Variants in CNTN3 observed in about 807,000 individuals in gnomAD.
The protein encoded by CNTN3 is contactin 3.
Under a neutral mutation model 119.1 loss-of-function variants are expected in CNTN3, and 60 were observed. That is an observed-to-expected ratio of 0.50 (90% CI 0.41 to 0.62). The LOEUF is 0.62. Among genes scored for constraint, CNTN3 ranks in the 20% least tolerant of loss-of-function variants. The pLI is 0.00. For missense variants in CNTN3, 1,101 were observed against 1,242.4 expected (o/e 0.89, Z 1.71); for synonymous variants, 450 against 438.7 (o/e 1.03, Z -0.32).
At chr3:74,339,120 G>A (rs923509159) in intron 11 of CNTN3, among the ~76,000 whole-genome samples, 10 of 152,060 alleles carry the variant, frequency 6.6e-5, no homozygotes, top group Non-Finnish European at 1.2e-4. Flanking sequence ...TAAAAATTTA[G>A]GATATGGAGA....
intron 13 of CNTN3, among the ~76,000 whole-genome samples, chr3:74,320,481 A>G (rs1416604191): frequency 6.6e-6 from 1 of 152,136 alleles, no homozygotes; most frequent in Non-Finnish European, 1.5e-5. Flanking sequence ...GAACACATGG[A>G]CACAGGAAGG....
Position 74,444,036 on chromosome 3 carries a change from C to A in CNTN3, c.359-19096G>T, listed in dbSNP as rs115727587. Among the ~76,000 whole-genome samples the A allele has an allele frequency of 7.1e-3, 1,082 of 152,228 alleles. 15 individuals carry two copies. The highest frequency in any genetic ancestry group is 0.025 in the African/African-American group (1,038 of 41,542). On this transcript the variant is annotated intron_variant, in intron 4 of 22. Transcript: ENST00000263665. The stretch of plus-strand genomic sequence containing the variant: ...TTTTCTAGCTTCTGGTAGTTGCTGG[C>A]AAACTTTGGTGTTCCTTGACTTGTA...
At chr3:74,488,579 G>A (rs141585136) in intron 3 of CNTN3, among the ~76,000 whole-genome samples, 4 of 152,296 alleles carry the variant, frequency 2.6e-5, no homozygotes, top group Middle Eastern at 3.4e-3. Flanking sequence ...GCATAATGAA[G>A]TTTTAATGAC....
intron 1 of CNTN3, among the ~76,000 whole-genome samples, chr3:74,597,180 A>C (rs111784176): frequency 6.5e-4 from 99 of 152,222 alleles, no homozygotes; most frequent in African/African-American, 2.3e-3. Flanking sequence ...AAGCTTCTCT[A>C]AATCAGACTC....
intron 13 of CNTN3, 30 bp from the exon 14 acceptor site, chr3:74,302,837 GTTAT>G: frequency 7.2e-7 from 1 of 1,386,882 alleles, no homozygotes; most frequent in Non-Finnish European, 1.0e-6. Context: ...TGAATACACT[GTTAT>G]TTTTTTAAAA....
At chr3:74,591,788 G>A (rs1009598973) in intron 1 of CNTN3, among the ~76,000 whole-genome samples, 1 of 151,890 alleles carries the variant, frequency 6.6e-6, no homozygotes, top group African/African-American at 2.4e-5. Context: ...ATGAGTTCAG[G>A]TTCAGACATC....
intron 1 of CNTN3, among the ~76,000 whole-genome samples, chr3:74,531,022 G>A (rs985083128): frequency 6.6e-6 from 1 of 151,902 alleles, no homozygotes; most frequent in East Asian, 1.9e-4. Context: ...TCTCTTCCGG[G>A]CAAAATACTT....
At chr3:74,301,896 C>A (rs1388062608) in intron 14 of CNTN3, 91 bp from the exon 15 acceptor site, 3 of 1,397,146 alleles carry the variant, frequency 2.1e-6, no homozygotes, top group African/African-American at 1.4e-5. Flanking sequence ...ATGACCACTT[C>A]AATATCTCTG....
intron 1 of CNTN3, among the ~76,000 whole-genome samples, chr3:74,611,829 G>A (rs575184489): frequency 6.6e-6 from 1 of 152,304 alleles, no homozygotes; most frequent in African/African-American, 2.4e-5. Context: ...ACCTTGCTAA[G>A]ATAAGAAGGC....
chr3:74,585,030 G>A (rs377330556), intron 1 of CNTN3, among the ~76,000 whole-genome samples: 4 of 152,026 alleles, frequency 2.6e-5, no homozygotes, highest in Admixed American at 2.0e-4. Context: ...TTCCCTTTTT[G>A]TTCCTTTATA....
chr3:74,579,894 A>G (rs1426268451), intron 1 of CNTN3, among the ~76,000 whole-genome samples: 1 of 152,178 alleles, frequency 6.6e-6, no homozygotes, highest in African/African-American at 2.4e-5. Context: ...GTAACAAACA[A>G]AACATTTTAA....
At chr3:74,551,395 C>T (rs939076223) in intron 1 of CNTN3, among the ~76,000 whole-genome samples, 5 of 152,172 alleles carry the variant, frequency 3.3e-5, no homozygotes, top group Admixed American at 1.3e-4. Context: ...TCCCTCAACA[C>T]ACATGCACAC....
intron 1 of CNTN3, among the ~76,000 whole-genome samples, chr3:74,559,714 T>A (rs573004737): frequency 6.6e-6 from 1 of 152,096 alleles, no homozygotes; most frequent in Non-Finnish European, 1.5e-5. Context: ...TTAGAAAAAA[T>A]GAAGGTGCAG....
At chr3:74,525,306 T>C (rs1454401033) in intron 1 of CNTN3, among the ~76,000 whole-genome samples, 1 of 151,912 alleles carries the variant, frequency 6.6e-6, no homozygotes, top group Non-Finnish European at 1.5e-5. Flanking sequence ...TGTAAAAGGT[T>C]TGAAGATAAA....
chr3:74,391,291 T>C (rs1467885197), intron 5 of CNTN3, among the ~76,000 whole-genome samples: 1 of 150,782 alleles, frequency 6.6e-6, no homozygotes, highest in East Asian at 2.0e-4. Flanking sequence ...TGGTTACTAG[T>C]AAATGTTTGT....
chr3:74,441,930 T>C (rs370897668), intron 4 of CNTN3, among the ~76,000 whole-genome samples: 3 of 152,152 alleles, frequency 2.0e-5, no homozygotes, highest in African/African-American at 7.2e-5. Flanking sequence ...AGCTTGACTT[T>C]CTACACATAA....
intron 13 of CNTN3, among the ~76,000 whole-genome samples, chr3:74,306,265 T>C (rs1170147308): frequency 7.4e-6 from 1 of 135,298 alleles, no homozygotes; most frequent in African/African-American, 2.9e-5. Flanking sequence ...TGGGATGAAA[T>C]AGTCCTAGAT....
chr3:74,505,730 G>C (rs893327502), intron 2 of CNTN3, among the ~76,000 whole-genome samples: 1 of 152,072 alleles, frequency 6.6e-6, no homozygotes, highest in South Asian at 2.1e-4. Flanking sequence ...CTTCAGATCA[G>C]AAAGGAAAAT....
chr3:74,600,162 C>T (rs888375919), intron 1 of CNTN3, among the ~76,000 whole-genome samples: 7 of 151,904 alleles, frequency 4.6e-5, no homozygotes, highest in African/African-American at 1.4e-4. Context: ...ACCTAAAGAG[C>T]GGAGAAAGAG....
Sources: allele counts gnomAD v4.1 joint callset (sites outside exome capture counted in the v4.1 genomes callset), GRCh38; gene constraint gnomAD v4.1.1; transcripts MANE v1.5; gene names NCBI Gene and HGNC (gene_info 2026-07-23, HGNC 2026-07-21).